NRP2: variants seen among roughly 807,000 people sequenced by gnomAD.
NRP2 encodes neuropilin 2.
Under a neutral mutation model 110.4 loss-of-function variants are expected in NRP2, and 52 were observed. That is an observed-to-expected ratio of 0.47 (90% CI 0.38 to 0.59). The LOEUF (loss-of-function observed/expected upper bound fraction) is 0.59. NRP2 is among the 20% of genes least tolerant of loss of function. The pLI, the probability that NRP2 is intolerant of heterozygous loss-of-function variation, is 0.00. For synonymous variants in NRP2, 508 were observed against 468.9 expected, an observed-to-expected ratio of 1.08 and a Z score of -1.08; for missense variants, 1,049 against 1,203.0, an observed-to-expected ratio of 0.87 and a Z score of 1.89.
intron 15 of NRP2, chr2:205,778,323 G>A (rs988495595): frequency 2.0e-5 from 3 of 150,808 alleles, no homozygotes; most frequent in South Asian, 2.1e-4. Flanking sequence ...CATCTGGTTC[G>A]TTTCATCCTC....
chr2:205,745,967 G>A, intron 10 of NRP2, 77 bp downstream of exon 10: 2 of 1,544,350 alleles, frequency 1.3e-6, no homozygotes, highest in South Asian at 1.1e-5. Flanking sequence ...GCCCTGGGAG[G>A]GCTGTGGAGG....
At chr2:205,767,814 A>G (rs1209216872) in intron 15 of NRP2, 1 of 165,566 alleles carries the variant, frequency 6.0e-6, no homozygotes, top group African/African-American at 2.4e-5. Flanking sequence ...GTTCTTCATG[A>G]CCTGTTTGAT....
chr2:205,781,124 T>C (rs1216049821), intron 15 of NRP2, among the ~76,000 whole-genome samples: 1 of 152,268 alleles, frequency 6.6e-6, no homozygotes, highest in East Asian at 1.9e-4. Flanking sequence ...TAGCCATCAC[T>C]TATGCTTTGT....
chr2:205,731,245 A>G (rs2057233213), intron 7 of NRP2, among the ~76,000 whole-genome samples: 1 of 152,246 alleles, frequency 6.6e-6, no homozygotes, highest in African/African-American at 2.4e-5. Flanking sequence ...TGCTTTGCAT[A>G]CATTTCTTCA....
intron 7 of NRP2, among the ~76,000 whole-genome samples, chr2:205,734,037 C>G (rs1234765583): frequency 6.6e-6 from 1 of 152,094 alleles, no homozygotes; most frequent in Admixed American, 6.5e-5. Flanking sequence ...AGGAAAGCTG[C>G]CTGATGACAA....
At chr2:205,728,863 G>A (rs2057181754) in intron 7 of NRP2, among the ~76,000 whole-genome samples, 1 of 152,248 alleles carries the variant, frequency 6.6e-6, no homozygotes, top group South Asian at 2.1e-4. Flanking sequence ...GCCCCCTGCA[G>A]AGCAGGAGCT....
intron 15 of NRP2, chr2:205,776,605 T>C: frequency 6.3e-7 from 1 of 1,598,138 alleles, no homozygotes; most frequent in Non-Finnish European, 8.5e-7. Flanking sequence ...TTTTTTCTCC[T>C]CGCCTAGTTT....
At chr2:205,789,962 CTTTA>C (rs1332269276) in intron 15 of NRP2, among the ~76,000 whole-genome samples, 1 of 152,136 alleles carries the variant, frequency 6.6e-6, no homozygotes, top group African/African-American at 2.4e-5. Context: ...CAAATGTTCC[CTTTA>C]TTTGTGTTTT....
At chr2:205,736,275 G>GAGGTTGCAGTGAGCCA (rs1298499499) in intron 7 of NRP2, among the ~76,000 whole-genome samples, 6 of 152,206 alleles carry the variant, frequency 3.9e-5, no homozygotes, top group Non-Finnish European at 8.8e-5. Flanking sequence ...CCGGGAGGCA[G>GAGGTTGCAGTGAGCCA]AGGTTGCAGT....
chr2:205,686,009 T>C lies in NRP2; in HGVS notation c.73+2646T>C, dbSNP rs2056150536. Reference sequence around the variant, plus strand: ...GGCCATCCACGTGGTGGGGACGTGATAGCCCCTCAGCTCTCCTCCTAGCCC... The same window carrying C: ...GGCCATCCACGTGGTGGGGACGTGACAGCCCCTCAGCTCTCCTCCTAGCCC... On this transcript the variant is annotated intron_variant, in intron 1 of 16. Transcript: ENST00000357785. This position sits in a 1 kb window ranked among gnomAD's most constrained non-coding sequence, Gnocchi z 4.7. Among the ~76,000 whole-genome samples, 2 of 152,158 alleles carry C rather than the reference T, an allele frequency of 1.3e-5. No individual in the cohort carries two copies. The highest frequency in any genetic ancestry group is 2.4e-5 in the African/African-American group (1 of 41,522).
rs2057482516 is a variant in NRP2, at chr2:205,743,523, A to T, written c.1612A>T (p.Ile538Phe). ...YSLNGKDWEY[I>F]QDPRTQQPKL... ...CCTAAACGGCAAGGACTGGGAATACATTCAGGACCCCAGGACCCAGCAGCC... is the reference window on the plus strand; with the variant it reads ...CCTAAACGGCAAGGACTGGGAATACTTTCAGGACCCCAGGACCCAGCAGCC... Residue 538 changes from isoleucine to phenylalanine, a missense_variant, in exon 9 of 17, where the codon ATT (isoleucine) becomes TTT (phenylalanine). Transcript: ENST00000357785. The T allele has an allele frequency of 6.2e-7, 1 of 1,614,222 alleles. No homozygotes were observed. The highest frequency in any genetic ancestry group is 8.5e-7 in the Non-Finnish European group (1 of 1,180,046).
intron 12 of NRP2, among the ~76,000 whole-genome samples, chr2:205,760,210 C>T (rs1347193880): frequency 6.6e-6 from 1 of 152,134 alleles, no homozygotes; most frequent in Non-Finnish European, 1.5e-5. Flanking sequence ...TTCCTTTCCC[C>T]CTGCTCTTCT....
In NRP2 at chr2:205,725,833, T is replaced by C; in HGVS notation, c.821-80T>C. ...GGAAGTGCCTGCAAGGACTTGTCCC[T>C]AGAAGGGAGGCAGCATTTGGGGGAT... On this transcript the variant is annotated intron_variant, in intron 5 of 16. Coordinates refer to ENST00000357785, the MANE Select transcript of NRP2 (RefSeq NM_003872.3). The surrounding 1 kb of genome is among the most constrained non-coding windows in gnomAD (Gnocchi z 4.1). The C allele has an allele frequency of 6.8e-7, 1 of 1,477,250 alleles. No homozygotes were observed. The highest frequency in any genetic ancestry group is 9.5e-7 in the Non-Finnish European group (1 of 1,057,690). 91.5% of individuals were successfully genotyped at this position (1,477,250 alleles called of 1,614,324 possible). A position where few individuals can be genotyped will look rare whatever the true frequency, so the allele number is the denominator to read the frequency against.
At chr2:205,689,449 A>G (rs914127111) in intron 1 of NRP2, among the ~76,000 whole-genome samples, 23 of 152,234 alleles carry the variant, frequency 1.5e-4, no homozygotes, top group African/African-American at 5.5e-4. Flanking sequence ...TGAATCTTTA[A>G]AACTGTTTCA....
chr2:205,688,005 A>C (rs2056216321), intron 1 of NRP2, among the ~76,000 whole-genome samples: 1 of 152,176 alleles, frequency 6.6e-6, no homozygotes, highest in South Asian at 2.1e-4. Flanking sequence ...ACTCAGGATG[A>C]CCTGAGTGTA....
chr2:205,723,544 A>G (rs1452783340), intron 4 of NRP2, among the ~76,000 whole-genome samples: 1 of 152,228 alleles, frequency 6.6e-6, no homozygotes, highest in African/African-American at 2.4e-5. Flanking sequence ...CTTCCAGGCC[A>G]CTGAGAACAG....
intron 15 of NRP2, among the ~76,000 whole-genome samples, chr2:205,783,721 C>T (rs796913636): frequency 2.7e-4 from 41 of 152,290 alleles, no homozygotes; most frequent in African/African-American, 8.7e-4. Context: ...CAAGGAATGG[C>T]GGGTGGAGGA....
At chr2:205,704,112 C>A (rs2056621457) in intron 2 of NRP2, among the ~76,000 whole-genome samples, 1 of 152,132 alleles carries the variant, frequency 6.6e-6, no homozygotes, top group Admixed American at 6.5e-5. Flanking sequence ...CAGTGGAATG[C>A]CTGAAAGTGG....
chr2:205,741,275 A>AG (rs957558854), intron 8 of NRP2, among the ~76,000 whole-genome samples: 6 of 152,244 alleles, frequency 3.9e-5, no homozygotes, highest in African/African-American at 1.4e-4. Context: ...AGTACATCGT[A>AG]GGGGATTTGA....
Sources: allele counts gnomAD v4.1 joint callset (sites outside exome capture counted in the v4.1 genomes callset), GRCh38; gene constraint gnomAD v4.1.1; non-coding constraint Gnocchi (gnomAD v3.1); transcripts MANE v1.5; gene names NCBI Gene and HGNC (gene_info 2026-07-23, HGNC 2026-07-21).